IL27RA: variants seen among roughly 807,000 people sequenced by gnomAD.
The protein encoded by IL27RA is interleukin-27 receptor subunit alpha.
Under a neutral mutation model 80.8 loss-of-function variants are expected in IL27RA, and 61 were observed. The observed-to-expected ratio is 0.76, with a 90% CI of 0.61 to 0.93. The LOEUF (loss-of-function observed/expected upper bound fraction) is 0.93, where lower values mean the gene tolerates loss of function less well. Among genes scored for constraint, IL27RA ranks in the 40% least tolerant of loss-of-function variants. IL27RA has a pLI of 0.00. For missense variants in IL27RA, 735 were observed against 808.1 expected (o/e 0.91, Z 1.10); for synonymous variants, 316 against 332.5 (o/e 0.95, Z 0.54).
chr19:14,036,935 A>G (rs1659011409), intron 2 of IL27RA, among the ~76,000 whole-genome samples: 1 of 151,964 alleles, frequency 6.6e-6, no homozygotes, highest in African/African-American at 2.4e-5. Flanking sequence ...TCCAGGGTTC[A>G]AGCGATTCTC....
chr19:14,039,976 C>T, intron 4 of IL27RA, 66 bp downstream of exon 4: 1 of 1,511,480 alleles, frequency 6.6e-7, no homozygotes, highest in Non-Finnish European at 9.1e-7. Context: ...ATCTCCTAAT[C>T]TGAGACCCAG....
chr19:14,035,222 A>G (rs982815345), intron 2 of IL27RA, among the ~76,000 whole-genome samples: 12 of 151,948 alleles, frequency 7.9e-5, no homozygotes, highest in African/African-American at 2.7e-4. Context: ...CTTTCGAACT[A>G]CTGGCCTCAA....
rs1036671585 is a variant in IL27RA at position 14,053,053 on chromosome 19, C to A, written c.*763C>A. ...CACGGGGTCTGGGTGGGGGCTCCCC[C>A]ACATCCTTTCCTTGCCTATGAGCTG... On this transcript the variant is annotated 3_prime_UTR_variant, in exon 14 of 14. Coordinates refer to ENST00000263379, the MANE Select transcript of IL27RA (RefSeq NM_004843.4). 1 of 152,358 alleles carries A rather than the reference C, an allele frequency of 6.6e-6. No individual in the cohort carries two copies. Among genetic ancestry groups the A allele is most frequent in the African/African-American group, 2.4e-5 (1 of 41,454 alleles). The allele number at this position is 152,358 out of a possible 1,614,324, so 9.4% of individuals were successfully genotyped here. A position where few individuals can be genotyped will look rare whatever the true frequency, so the allele number is the denominator to read the frequency against.
chr19:14,052,032 T>C, intron 13 of IL27RA, 59 bp downstream of exon 13: 1 of 1,465,326 alleles, frequency 6.8e-7, no homozygotes, highest in South Asian at 1.2e-5. Context: ...CCTGGGGCAG[T>C]GGGGAGGGGG....
At chr19:14,039,409 A>G (rs1975953456) in intron 2 of IL27RA, 99 bp from the exon 3 acceptor site, 21 of 1,398,004 alleles carry the variant, frequency 1.5e-5, no homozygotes, top group Non-Finnish European at 1.9e-5. Context: ...TTTGAACCCA[A>G]GCAGAGCAGG....
At chr19:14,048,759 C>G (rs1294757327) in intron 8 of IL27RA, among the ~76,000 whole-genome samples, 1 of 152,184 alleles carries the variant, frequency 6.6e-6, no homozygotes, top group African/African-American at 2.4e-5. Flanking sequence ...AGAGGTCCCC[C>G]ATGGGACTGC....
chr19:14,034,390 T>C (rs1752666504), intron 2 of IL27RA, among the ~76,000 whole-genome samples: 1 of 152,122 alleles, frequency 6.6e-6, no homozygotes, highest in Non-Finnish European at 1.5e-5. Context: ...CCCTACACGG[T>C]GGCTCACGCC....
chr19:14,037,834 C>CTCTTTTT (rs77898584), intron 2 of IL27RA, among the ~76,000 whole-genome samples: 3 of 129,418 alleles, frequency 2.3e-5, no homozygotes, highest in Non-Finnish European at 3.3e-5. Context: ...CTCTCTCTCT[C>CTCTTTTT]TTTTTTTTTT....
At chr19:14,050,512 A>AG (rs1976144366) in intron 10 of IL27RA, among the ~76,000 whole-genome samples, 1 of 38,242 alleles carries the variant, frequency 2.6e-5, no homozygotes, top group Admixed American at 3.7e-4. Flanking sequence ...ACTTCATGTC[A>AG]AAAAAAAAAA....
chr19:14,032,827 G>GAAAA (rs1387723708), intron 2 of IL27RA, among the ~76,000 whole-genome samples: 1 of 98,882 alleles, frequency 1.0e-5, no homozygotes, highest in Admixed American at 1.1e-4. Flanking sequence ...AAAAAAAAAA[G>GAAAA]AAAAGAAAAG....
chr19:14,037,920 T>G (rs543369029), intron 2 of IL27RA, among the ~76,000 whole-genome samples: 1 of 146,820 alleles, frequency 6.8e-6, no homozygotes, highest in Non-Finnish European at 1.5e-5. Context: ...AACCTCCAAC[T>G]CCCTGGTTCA....
At chr19:14,034,489 G>A (rs1458604044) in intron 2 of IL27RA, among the ~76,000 whole-genome samples, 1 of 151,748 alleles carries the variant, frequency 6.6e-6, no homozygotes, top group Non-Finnish European at 1.5e-5. Flanking sequence ...GTGAAACTCC[G>A]TCTCTACTAA....
chr19:14,045,986 CT>C (rs1304743115), intron 6 of IL27RA, among the ~76,000 whole-genome samples, 167 bp from the exon 7 acceptor site: 1 of 152,176 alleles, frequency 6.6e-6, no homozygotes, highest in African/African-American at 2.4e-5. Flanking sequence ...GATCACGCCA[CT>C]TCACTCCAGT....
intron 6 of IL27RA, 54 bp from the exon 7 acceptor site, chr19:14,046,100 T>G: frequency 6.5e-7 from 1 of 1,527,208 alleles, no homozygotes; most frequent in South Asian, 1.2e-5. Flanking sequence ...GGGAGACACA[T>G]ATATGTGCGT....
rs773520830 is a variant in IL27RA at position 14,039,490 on chromosome 19, C to T, written c.219-18C>T. On this transcript the variant is annotated intron_variant, in intron 2 of 13. Transcript: ENST00000263379. ...CTCTAGCCGAGTGTGCATCTCATCC[C>T]CGCCTCTCTCCTCACAGCCGTTCCA... is the stretch of plus-strand genomic sequence containing the variant. The T allele has an allele frequency of 4.2e-5, 68 of 1,602,484 alleles. No homozygotes were observed. Among genetic ancestry groups the T allele is most frequent in the African/African-American group, 5.3e-5 (4 of 74,796 alleles).
intron 6 of IL27RA, among the ~76,000 whole-genome samples, chr19:14,043,703 C>T (rs1274772902): frequency 6.6e-5 from 10 of 151,616 alleles, no homozygotes; most frequent in Admixed American, 5.3e-4. Context: ...GAATTACAGG[C>T]GGGAGCCACC....
chr19:14,042,893 C>T, intron 6 of IL27RA, 104 bp downstream of exon 6: 1 of 1,065,290 alleles, frequency 9.4e-7, no homozygotes, highest in Non-Finnish European at 1.4e-6. Flanking sequence ...AATCCCAACA[C>T]TGCTGTGGGA....
rs754992590 is a variant in IL27RA at position 14,031,847 on chromosome 19, C to T, written c.-26C>T. The T allele has an allele frequency of 1.3e-6, 2 of 1,564,752 alleles. No homozygotes were observed. The highest frequency in any genetic ancestry group is 1.8e-5 in the Admixed American group (1 of 54,498). ...CCGCGCGGACCCGGCAAGGCTGGGC[C>T]GGACTCGGGGCTCCCGAGGGACGCC... On this transcript the variant is annotated 5_prime_UTR_variant, in exon 1 of 14. Transcript: ENST00000263379.
At chr19:14,032,795 G>C (rs1391208714) in intron 2 of IL27RA, among the ~76,000 whole-genome samples, 4 of 123,098 alleles carry the variant, frequency 3.2e-5, no homozygotes, top group African/African-American at 1.3e-4. Context: ...GACAGAGGGA[G>C]ACTCTGTCTC....
Sources: gnomAD v4.1 joint callset for allele counts (sites outside exome capture counted in the v4.1 genomes callset) on GRCh38, gnomAD v4.1.1 for gene constraint, MANE v1.5 for transcripts, NCBI Gene and HGNC (gene_info 2026-07-23, HGNC 2026-07-21) for gene names.